CEP120: variants seen among roughly 807,000 people sequenced by gnomAD.
The protein encoded by CEP120 is centrosomal protein 120.
CEP120 carries 113 observed loss-of-function variants against 126.5 expected under a neutral mutation model. The observed-to-expected ratio is 0.89, with a 90% CI of 0.77 to 1.04. The LOEUF (loss-of-function observed/expected upper bound fraction) is 1.04, where lower values mean the gene tolerates loss of function less well. Ranked by LOEUF, CEP120 falls within the 50% of genes least tolerant of loss-of-function variation. CEP120 has a pLI of 0.00. For synonymous variants in CEP120, 400 were observed against 394.3 expected, an observed-to-expected ratio of 1.01 and a Z score of -0.17; for missense variants, 1,230 against 1,155.7, an observed-to-expected ratio of 1.06 and a Z score of -0.93.
At chr5:123,420,318 A>C (rs1447441444) in intron 1 of CEP120, among the ~76,000 whole-genome samples, 1 of 152,260 alleles carries the variant, frequency 6.6e-6, no homozygotes, top group African/African-American at 2.4e-5. Context: ...GCCTTGCTGC[A>C]GACAATGATA....
intron 18 of CEP120, chr5:123,358,217 G>A (rs901801424): frequency 6.6e-6 from 1 of 151,996 alleles, no homozygotes; most frequent in Non-Finnish European, 1.5e-5. Context: ...AAAAAGCAAA[G>A]GAATAATAAA....
chr5:123,421,196 T>G (rs1279932666), intron 1 of CEP120, among the ~76,000 whole-genome samples: 1 of 152,240 alleles, frequency 6.6e-6, no homozygotes, highest in Non-Finnish European at 1.5e-5. Flanking sequence ...GCTCCAGTTG[T>G]ACAAGCTCAT....
At chr5:123,351,447 A>C (rs984848727) in intron 18 of CEP120, among the ~76,000 whole-genome samples, 5 of 152,134 alleles carry the variant, frequency 3.3e-5, no homozygotes, top group Admixed American at 6.6e-5. Flanking sequence ...TTTGAATTAT[A>C]AATAATGGTG....
Position 123,416,958 on chromosome 5 carries a change from A to G in CEP120, c.207-834T>C, listed in dbSNP as rs532761031. On this transcript the variant is annotated intron_variant, in intron 2 of 19. Coordinates refer to ENST00000306467, the MANE Select transcript of CEP120 (RefSeq NM_001375405.1). The stretch of plus-strand genomic sequence containing the variant: ...AAAGAATGATATTGGCTTGTTTAGC[A>G]TGGGCTGTTTTAGTTCGGAACCCCT... Among the ~76,000 whole-genome samples the G allele has an allele frequency of 5.9e-5, 9 of 152,340 alleles. No individual in the cohort carries two copies. The South Asian group carries it at 1.9e-3, about 32-fold the overall frequency.
rs141944447 is a variant in CEP120 at position 123,367,890 on chromosome 5, G to A, written c.2482-3296C>T. ...TTAAATCAGATACTTTTTAACTTGG[G>A]TCTTTCTTTTTGTGCATTTATCTCT... On this transcript the variant is annotated intron_variant, in intron 17 of 19. Transcript: ENST00000306467. Among the ~76,000 whole-genome samples the A allele has an allele frequency of 1.1e-3, 171 of 151,948 alleles. 1 individual carries two copies. Among genetic ancestry groups the A allele is most frequent in the African/African-American group, 4.0e-3 (167 of 41,506 alleles).
At chr5:123,398,298 G>A (rs1434702034) in intron 5 of CEP120, among the ~76,000 whole-genome samples, 1 of 152,126 alleles carries the variant, frequency 6.6e-6, no homozygotes, top group Non-Finnish European at 1.5e-5. Flanking sequence ...GTTTTGTGTT[G>A]AGCCGCTGTT....
At chr5:123,385,304 AATG>A (rs1771945381) in intron 10 of CEP120, among the ~76,000 whole-genome samples, 171 bp from the exon 11 acceptor site, 1 of 152,204 alleles carries the variant, frequency 6.6e-6, no homozygotes. Flanking sequence ...CCAAATATGA[AATG>A]ATGTTTCCAT....
chr5:123,355,604 A>C (rs1769540137), intron 18 of CEP120, among the ~76,000 whole-genome samples: 1 of 152,126 alleles, frequency 6.6e-6, no homozygotes, highest in East Asian at 1.9e-4. Flanking sequence ...GTGTCTGTTC[A>C]TATCCTTCGC....
chr5:123,397,411 T>C (rs367576700), intron 5 of CEP120, among the ~76,000 whole-genome samples: 2 of 152,206 alleles, frequency 1.3e-5, no homozygotes, highest in South Asian at 2.1e-4. Flanking sequence ...ATCTGACATA[T>C]AGACAAGAGT....
Position 123,401,172 on chromosome 5 carries a change from T to C in CEP120, c.464-1888A>G, listed in dbSNP as rs1773198014. ...CTCCTCGCCCTCCAGCAGCTTCTTG[T>C]AGGTGGCGATCTCGATGTCCAGGGC... On this transcript the variant is annotated intron_variant, in intron 4 of 19. Coordinates refer to ENST00000306467, the MANE Select transcript of CEP120 (RefSeq NM_001375405.1). 12 of 1,611,530 alleles carry C rather than the reference T, an allele frequency of 7.4e-6. No homozygotes were observed. The South Asian group carries it at 9.9e-5, about 13-fold the overall frequency.
In CEP120 at chr5:123,399,273, G is replaced by A; in HGVS notation, c.475C>T (p.Leu159=). 6.2e-7 allele frequency: 1 copy of A among 1,613,976 alleles called. No homozygotes were observed. Among genetic ancestry groups the A allele is most frequent in the Non-Finnish European group, 8.5e-7 (1 of 1,179,908 alleles). ...PPRDGKVPAI[L]AGLDPRDIVA... ...ATGTCCCTGGGGTCAAGTCCAGCCA[G>A]GATGGCAGGTACTTTACAGAGAAAA... The change falls in exon 5 of 20, where the codon CTG becomes TTG. Residue 159 remains leucine (L), a synonymous_variant. Coordinates refer to ENST00000306467, the MANE Select transcript of CEP120 (RefSeq NM_001375405.1).
At chr5:123,348,422 A>C (rs1768980593) in intron 19 of CEP120, among the ~76,000 whole-genome samples, 1 of 152,226 alleles carries the variant, frequency 6.6e-6, no homozygotes, top group African/African-American at 2.4e-5. Flanking sequence ...GGATATTATA[A>C]TTCATTAATT....
intron 11 of CEP120, 44 bp downstream of exon 11, chr5:123,384,907 G>A: frequency 6.7e-7 from 1 of 1,492,116 alleles, no homozygotes; most frequent in African/African-American, 1.4e-5. Flanking sequence ...ATCATTCCAT[G>A]AATTGAAAAG....
Position 123,371,389 on chromosome 5 carries a change from A to AT in CEP120, c.2481+1260dup, listed in dbSNP as rs371796149. Reference sequence around the variant, plus strand: ...AGAGAGCTGGTACAGGCAAACTCCCATTTTTTAAAGCCATCAGATGTTGTG... The same window carrying AT: ...AGAGAGCTGGTACAGGCAAACTCCCATTTTTTTAAAGCCATCAGATGTTGTG... On this transcript the variant is annotated intron_variant, in intron 17 of 19. Coordinates refer to ENST00000306467, the MANE Select transcript of CEP120 (RefSeq NM_001375405.1). 2.6e-3 allele frequency among the ~76,000 whole-genome samples: 388 copies of AT among 152,130 alleles called. 4 individuals are homozygous for AT. The highest frequency in any genetic ancestry group is 8.8e-3 in the African/African-American group (366 of 41,534).
At chr5:123,355,958 G>A (rs1293626136) in intron 18 of CEP120, among the ~76,000 whole-genome samples, 1 of 151,566 alleles carries the variant, frequency 6.6e-6, no homozygotes, top group Non-Finnish European at 1.5e-5. Flanking sequence ...TTTTGTATAA[G>A]GTGTAAGGAA....
chr5:123,361,229 G>A (rs1433318433), intron 18 of CEP120, among the ~76,000 whole-genome samples: 1 of 151,754 alleles, frequency 6.6e-6, no homozygotes, highest in Non-Finnish European at 1.5e-5. Context: ...AGTGTTATTT[G>A]AATCATTTTC....
intron 4 of CEP120, chr5:123,401,340 T>G: frequency 6.3e-7 from 1 of 1,599,814 alleles, no homozygotes. Context: ...GCATCTGCAA[T>G]GGCGGCCTCC....
intron 3 of CEP120, among the ~76,000 whole-genome samples, chr5:123,414,618 T>C (rs1774264991): frequency 6.6e-6 from 1 of 152,060 alleles, no homozygotes; most frequent in Non-Finnish European, 1.5e-5. Flanking sequence ...TCAGAAAAAT[T>C]GCAAGGGAGA....
At chr5:123,401,080 C>T in intron 4 of CEP120, 1 of 1,588,488 alleles carries the variant, frequency 6.3e-7, no homozygotes, top group South Asian at 1.1e-5. Context: ...GAGCTCAGAC[C>T]ACTTGCATAG....
Sources: allele counts gnomAD v4.1 joint callset (sites outside exome capture counted in the v4.1 genomes callset), GRCh38; gene constraint gnomAD v4.1.1; transcripts MANE v1.5; gene names NCBI Gene and HGNC (gene_info 2026-07-23, HGNC 2026-07-21).